KCNK9: variants seen among roughly 807,000 people sequenced by gnomAD.
KCNK9 encodes potassium channel subfamily K member 9.
Under a neutral mutation model 10.8 loss-of-function variants are expected in KCNK9, and 1 was observed. The ratio of observed to expected loss-of-function variants is 0.09; its 90% CI spans 0.03 to 0.44. The LOEUF is 0.44. KCNK9 is among the 20% of genes least tolerant of loss of function. The probability of loss-of-function intolerance (pLI) is 0.97; values close to 1 mark genes in which losing one functional copy is unlikely to be tolerated. For synonymous variants in KCNK9, 231 were observed against 222.7 expected (o/e 1.04, Z -0.33); for missense variants, 303 against 515.0 (o/e 0.59, Z 3.98).
chr8:139,644,038 G>A (rs1332093074), intron 1 of KCNK9, among the ~76,000 whole-genome samples: 2 of 152,242 alleles, frequency 1.3e-5, no homozygotes, highest in Admixed American at 1.3e-4. Context: ...ACTGGTAGCT[G>A]TTGCTGAAAT....
Position 139,659,259 on chromosome 8 carries a change from CCT to C in KCNK9, c.284-40162_284-40161del, listed in dbSNP as rs1816093316. Among the ~76,000 whole-genome samples the C allele has an allele frequency of 2.0e-5, 3 of 152,122 alleles. No individual in the cohort carries two copies. In the South Asian group the frequency reaches 6.2e-4, roughly 32 times the overall value. On this transcript the variant is annotated intron_variant, in intron 1 of 1. Coordinates refer to ENST00000520439, the MANE Select transcript of KCNK9 (RefSeq NM_001282534.2). ...TGGCTCCAGGCTGGAGTCCTGACCC[CCT>C]GAGACCTGACCCAAGGCTTTCCCTA... is the stretch of plus-strand genomic sequence containing the variant.
In KCNK9 at chr8:139,644,298, C is replaced by T. The variant is rs375756658; in HGVS notation, c.284-25199G>A. ...TGTCTCGGCAGCCATGGATATTCAACCAACGTCCTCAGAACATTTCTCCTT... is the reference window on the plus strand; with the variant it reads ...TGTCTCGGCAGCCATGGATATTCAATCAACGTCCTCAGAACATTTCTCCTT... On this transcript the variant is annotated intron_variant, in intron 1 of 1. Transcript: ENST00000520439. Among the ~76,000 whole-genome samples, 35 of 152,342 alleles carry T rather than the reference C, an allele frequency of 2.3e-4. No individual in the cohort carries two copies. The East Asian group carries it at 5.6e-3, about 24-fold the overall frequency.
chr8:139,677,473 C>A (rs1254965390), intron 1 of KCNK9, among the ~76,000 whole-genome samples: 1 of 152,128 alleles, frequency 6.6e-6, no homozygotes, highest in Non-Finnish European at 1.5e-5. Flanking sequence ...TTTGTTTAAA[C>A]CCCAAGCAGC....
At chr8:139,653,718 C>A (rs1019041167) in intron 1 of KCNK9, among the ~76,000 whole-genome samples, 2 of 152,194 alleles carry the variant, frequency 1.3e-5, no homozygotes, top group African/African-American at 4.8e-5. Context: ...AGGGAAAGTG[C>A]TTTCAAAACC....
downstream of KCNK9, among the ~76,000 whole-genome samples, chr8:139,608,156 C>T (rs1814295475): frequency 6.6e-6 from 1 of 152,202 alleles, no homozygotes; most frequent in South Asian, 2.1e-4. Flanking sequence ...TTCTGTCTTC[C>T]CAACTGGACC....
At chr8:139,601,935 C>T (rs1817379311) in intron 2 of KCNK9, 1 of 152,226 alleles carries the variant, frequency 6.6e-6, no homozygotes. Context: ...GCTGACAAAC[C>T]CCTACGTCAT....
chr8:139,686,071 T>C (rs1816781547), intron 1 of KCNK9, among the ~76,000 whole-genome samples: 2 of 152,222 alleles, frequency 1.3e-5, no homozygotes. Flanking sequence ...TGTAGAAAGC[T>C]GAAACTGGAT....
At chr8:139,626,887 C>T (rs1814994831) in intron 1 of KCNK9, among the ~76,000 whole-genome samples, 2 of 152,224 alleles carry the variant, frequency 1.3e-5, no homozygotes, top group African/African-American at 4.8e-5. Flanking sequence ...GCCCTTGGGC[C>T]TCAGGCTTCC....
chr8:139,701,172 C>T (rs1448493648), intron 1 of KCNK9, among the ~76,000 whole-genome samples: 1 of 152,186 alleles, frequency 6.6e-6, no homozygotes, highest in Non-Finnish European at 1.5e-5. Flanking sequence ...ATGGCAATGA[C>T]TGGCCCTCTC....
rs147064915 is a variant in KCNK9, at chr8:139,677,967, G to C, written c.283+24743C>G. Among the ~76,000 whole-genome samples the C allele has an allele frequency of 3.7e-3, 544 of 148,620 alleles. 9 individuals are homozygous for C. The highest frequency in any genetic ancestry group is 6.1e-3 in the Non-Finnish European group (413 of 67,934). On this transcript the variant is annotated intron_variant, in intron 1 of 1. Coordinates refer to ENST00000520439, the MANE Select transcript of KCNK9 (RefSeq NM_001282534.2). ...AGCCCAATGAGTCCCTACAGCTGCA[G>C]AGTAATACCTCACATCCCAGCCCAA...
At chr8:139,636,857 A>C (rs1460202031) in intron 1 of KCNK9, among the ~76,000 whole-genome samples, 1 of 152,226 alleles carries the variant, frequency 6.6e-6, no homozygotes, top group East Asian at 1.9e-4. Context: ...CAGCAATCAC[A>C]ATAGCTGTGA....
intron 1 of KCNK9, among the ~76,000 whole-genome samples, chr8:139,659,634 C>G (rs1816102997): frequency 6.6e-6 from 1 of 152,116 alleles, no homozygotes; most frequent in Non-Finnish European, 1.5e-5. Flanking sequence ...GCCTCAGCCA[C>G]CCGAGTAGCT....
rs116835912 is a variant in KCNK9 at position 139,626,002 on chromosome 8, T to C, written c.284-6903A>G. On this transcript the variant is annotated intron_variant, in intron 1 of 1. Coordinates refer to ENST00000520439, the MANE Select transcript of KCNK9 (RefSeq NM_001282534.2). Reference sequence around the variant, plus strand: ...AAAGATACTCTAAGCACATGGGACATAGTAGTGCAAGATGCATACTATATA... The same window carrying C: ...AAAGATACTCTAAGCACATGGGACACAGTAGTGCAAGATGCATACTATATA... Among the ~76,000 whole-genome samples, 1,204 of 152,288 alleles carry C rather than the reference T, an allele frequency of 7.9e-3. 19 individuals are homozygous for C. The highest frequency in any genetic ancestry group is 0.028 in the African/African-American group (1,174 of 41,538).
chr8:139,641,342 C>T (rs1007362716), intron 1 of KCNK9, among the ~76,000 whole-genome samples: 7 of 152,284 alleles, frequency 4.6e-5, no homozygotes, highest in Admixed American at 2.6e-4. Flanking sequence ...GTCATCCCAG[C>T]GCTCTCCCGC....
At chr8:139,681,593 C>CCTTG (rs1816689298) in intron 1 of KCNK9, among the ~76,000 whole-genome samples, 1 of 152,200 alleles carries the variant, frequency 6.6e-6, no homozygotes, top group Admixed American at 6.5e-5. Context: ...GGGTCGCTGG[C>CCTTG]TTTAGGAGGT....
chr8:139,695,668 G>A (rs1317767028), intron 1 of KCNK9, among the ~76,000 whole-genome samples: 1 of 152,150 alleles, frequency 6.6e-6, no homozygotes, highest in African/African-American at 2.4e-5. Context: ...CTGGAGGTGG[G>A]AAGGACCCTC....
intron 1 of KCNK9, among the ~76,000 whole-genome samples, chr8:139,631,186 T>C (rs1815161386): frequency 6.6e-6 from 1 of 152,254 alleles, no homozygotes; most frequent in African/African-American, 2.4e-5. Flanking sequence ...AGATGAGATG[T>C]CATGCGATGA....
In KCNK9 at chr8:139,687,420, G is replaced by A. The variant is rs564748028; in HGVS notation, c.283+15290C>T. 4.8e-4 allele frequency among the ~76,000 whole-genome samples: 66 copies of A among 138,078 alleles called. 2 individuals are homozygous for A. Among genetic ancestry groups the A allele is most frequent in the African/African-American group, 1.7e-3 (60 of 34,702 alleles). The allele number at this position is 138,078 out of a possible 152,430, so 90.6% of individuals were successfully genotyped here. A position where few individuals can be genotyped will look rare whatever the true frequency, so the allele number is the denominator to read the frequency against. Reference sequence around the variant, plus strand: ...TGTATACATATATATTCATATATGTGTATACATATATATTCATATATATGT... The same window carrying A: ...TGTATACATATATATTCATATATGTATATACATATATATTCATATATATGT... On this transcript the variant is annotated intron_variant, in intron 1 of 1. Transcript: ENST00000520439.
downstream of KCNK9, chr8:139,600,923 A>T (rs1160503997): frequency 6.6e-6 from 1 of 151,774 alleles, no homozygotes; most frequent in Non-Finnish European, 1.5e-5. Context: ...GGAGATGTTA[A>T]TAATAATTCC....
Sources: gnomAD v4.1 joint callset for allele counts (sites outside exome capture counted in the v4.1 genomes callset) on GRCh38, gnomAD v4.1.1 for gene constraint, MANE v1.5 for transcripts, NCBI Gene and HGNC (gene_info 2026-07-23, HGNC 2026-07-21) for gene names.